FAM81B: variants seen among roughly 807,000 people sequenced by gnomAD.
The protein encoded by FAM81B is family with sequence similarity 81 member B.
Under a neutral mutation model 58.7 loss-of-function variants are expected in FAM81B, and 60 were observed. That is an observed-to-expected ratio of 1.02 (90% CI 0.83 to 1.27). FAM81B has a LOEUF of 1.27. FAM81B is among the 50% of genes most tolerant of loss of function. The probability of loss-of-function intolerance (pLI) is 0.00; values close to 1 mark genes in which losing one functional copy is unlikely to be tolerated. For missense variants in FAM81B, 491 were observed against 522.0 expected, an observed-to-expected ratio of 0.94 and a Z score of 0.58; for synonymous variants, 189 against 179.6, an observed-to-expected ratio of 1.05 and a Z score of -0.42.
chr5:95,402,485 T>C (rs975250726), intron 3 of FAM81B, among the ~76,000 whole-genome samples: 1 of 152,098 alleles, frequency 6.6e-6, no homozygotes, highest in Non-Finnish European at 1.5e-5. Flanking sequence ...CACTTAAACA[T>C]AAAATAAATT....
chr5:95,444,656 T>C (rs1484793972), intron 7 of FAM81B, among the ~76,000 whole-genome samples: 2 of 152,166 alleles, frequency 1.3e-5, no homozygotes, highest in African/African-American at 4.8e-5. Flanking sequence ...AGTGTTGAGG[T>C]ACTCAACAGT....
intron 3 of FAM81B, 40 bp from the exon 4 acceptor site, chr5:95,413,907 T>G: frequency 6.4e-7 from 1 of 1,567,410 alleles, no homozygotes; most frequent in Non-Finnish European, 8.6e-7. Context: ...CAGCTCATTC[T>G]TGTAATGCCC....
chr5:95,401,959 A>C (rs1026416816), intron 3 of FAM81B, among the ~76,000 whole-genome samples: 1 of 152,190 alleles, frequency 6.6e-6, no homozygotes, highest in Non-Finnish European at 1.5e-5. Context: ...TGAAGCCCAA[A>C]TATCTCTCTG....
At chr5:95,446,051 T>C (rs1279747974) in intron 7 of FAM81B, among the ~76,000 whole-genome samples, 2 of 152,222 alleles carry the variant, frequency 1.3e-5, no homozygotes, top group Non-Finnish European at 2.9e-5. Flanking sequence ...CCGTACTCAT[T>C]TCTTTACATA....
chr5:95,408,075 T>TGAGAGAGAGAGAGAGAGAGAGA (rs10567707), intron 3 of FAM81B, among the ~76,000 whole-genome samples: 8 of 130,330 alleles, frequency 6.1e-5, no homozygotes, highest in African/African-American at 2.1e-4. Context: ...TCCCCCAAAA[T>TGAGAGAGAGAGAGAGAGAGAGA]GAGAGAGAGA....
chr5:95,448,278 G>T lies in FAM81B; in HGVS notation c.1039G>T (p.Glu347Ter). The T allele has an allele frequency of 6.3e-7, 1 of 1,599,932 alleles. No individual in the cohort carries two copies. Among genetic ancestry groups the T allele is most frequent in the South Asian group, 1.2e-5 (1 of 86,806 alleles). The change falls in exon 9 of 10, where the codon GAA becomes TAA. Residue 347 changes from glutamate (E) to a stop codon, truncating the protein, a stop_gained. Transcript: ENST00000283357. LOFTEE classifies it high-confidence loss of function. ...ATAATCTCTTTTACAGGAAAAGTCT[G>T]AAAATAAAATGGAAGAAAAACTGCT... ...KVLQEKLEKS[E>*]NKMEEKLLQL...
chr5:95,417,092 C>T (rs10044603), intron 4 of FAM81B, among the ~76,000 whole-genome samples: 36,036 of 151,938 alleles, frequency 0.24, 4,550 homozygotes, highest in African/African-American at 0.32. Flanking sequence ...TATGTATCTG[C>T]GTTTGGATTA....
chr5:95,427,484 T>C (rs1205923559), intron 5 of FAM81B, among the ~76,000 whole-genome samples: 3 of 152,172 alleles, frequency 2.0e-5, no homozygotes, highest in Non-Finnish European at 4.4e-5. Context: ...ATACCTTTAG[T>C]ATCTTTTTAA....
intron 3 of FAM81B, among the ~76,000 whole-genome samples, chr5:95,400,595 G>C (rs971956330): frequency 2.6e-5 from 4 of 152,060 alleles, no homozygotes; most frequent in Admixed American, 2.6e-4. Context: ...TAAGCTTTAA[G>C]ACTTCACTGT....
rs1365551753 is a variant in FAM81B, at chr5:95,443,435, A to G, written c.894-3127A>G. On this transcript the variant is annotated intron_variant, in intron 7 of 9. Transcript: ENST00000283357. ...GTCTGACTTTTGTGTTTTGAGGAAA[A>G]GGAAAGAATAAGCTCTATCTCATCA... 8.7e-4 allele frequency among the ~76,000 whole-genome samples: 132 copies of G among 152,294 alleles called. 1 individual carries two copies. The highest frequency in any genetic ancestry group is 8.6e-3 in the Admixed American group (131 of 15,296).
intron 3 of FAM81B, among the ~76,000 whole-genome samples, chr5:95,407,391 T>TACACAC (rs36079913): frequency 0.012 from 1,610 of 139,698 alleles, 24 homozygotes; most frequent in African/African-American, 0.024. Flanking sequence ...TGTTCTCTTT[T>TACACAC]ACACACACAC....
At chr5:95,438,801 A>G (rs62365047) in intron 7 of FAM81B, among the ~76,000 whole-genome samples, 11 of 147,420 alleles carry the variant, frequency 7.5e-5, no homozygotes, top group African/African-American at 2.8e-4. Flanking sequence ...AAAAAAAAAA[A>G]CCAACAACAG....
At chr5:95,410,028 A>G (rs558099591) in intron 3 of FAM81B, among the ~76,000 whole-genome samples, 1 of 152,344 alleles carries the variant, frequency 6.6e-6, no homozygotes, top group Non-Finnish European at 1.5e-5. Flanking sequence ...AAAATAAGGT[A>G]TAAGAGGTGG....
intron 4 of FAM81B, among the ~76,000 whole-genome samples, chr5:95,415,310 T>C (rs971864817): frequency 3.3e-5 from 5 of 152,222 alleles, no homozygotes; most frequent in Admixed American, 3.3e-4. Flanking sequence ...CCTTTTCTAC[T>C]ATCAAAGAGA....
rs918263289 is a variant in FAM81B at position 95,433,508 on chromosome 5, G to T, written c.787-3292G>T. Among the ~76,000 whole-genome samples the T allele has an allele frequency of 7.2e-5, 11 of 152,072 alleles. No individual in the cohort carries two copies. In the East Asian group the frequency reaches 2.1e-3, roughly 29 times the overall value. On this transcript the variant is annotated intron_variant, in intron 6 of 9. Coordinates refer to ENST00000283357, the MANE Select transcript of FAM81B (RefSeq NM_152548.3). ...GACACAGCCAAACCATATCAAGGAA[G>T]TTTTTTCCCCACCCTCTGAGTTAAG... is the stretch of plus-strand genomic sequence containing the variant.
chr5:95,449,536 A>C (rs1341029127), intron 9 of FAM81B, among the ~76,000 whole-genome samples: 2 of 152,326 alleles, frequency 1.3e-5, no homozygotes, highest in East Asian at 3.9e-4. Context: ...GGGAACTTCA[A>C]ATTAATGGTT....
At chr5:95,430,361 C>T (rs1744821429) in intron 6 of FAM81B, among the ~76,000 whole-genome samples, 1 of 142,778 alleles carries the variant, frequency 7.0e-6, no homozygotes, top group South Asian at 2.3e-4. Flanking sequence ...TTTTTATTCC[C>T]CCTTTATTGC....
intron 5 of FAM81B, among the ~76,000 whole-genome samples, chr5:95,422,246 G>GA (rs1273064252): frequency 2.0e-5 from 3 of 150,926 alleles, no homozygotes; most frequent in Non-Finnish European, 2.9e-5. Context: ...CTCATCCAAG[G>GA]AAAAAATAAC....
chr5:95,413,321 T>G (rs190575881), intron 3 of FAM81B, among the ~76,000 whole-genome samples: 64 of 152,350 alleles, frequency 4.2e-4, no homozygotes, highest in African/African-American at 1.3e-3. Context: ...TAGGTATCCC[T>G]TAATCCAGTC....
Sources: allele counts gnomAD v4.1 joint callset (sites outside exome capture counted in the v4.1 genomes callset), GRCh38; gene constraint gnomAD v4.1.1; transcripts MANE v1.5; gene names NCBI Gene and HGNC (gene_info 2026-07-23, HGNC 2026-07-21).